The following SLC16A9 variants were observed in gnomAD, a reference collection of about 807,000 sequenced individuals.
The protein encoded by SLC16A9 is monocarboxylate transporter 9.
Under a neutral mutation model 44.3 loss-of-function variants are expected in SLC16A9, and 26 were observed. The ratio of observed to expected loss-of-function variants is 0.59; its 90% CI spans 0.43 to 0.81. The LOEUF is 0.81. Ranked by LOEUF, SLC16A9 falls within the 40% of genes least tolerant of loss-of-function variation. The pLI is 0.00. For synonymous variants in SLC16A9, 230 were observed against 225.1 expected (o/e 1.02, Z -0.19); for missense variants, 559 against 595.8 (o/e 0.94, Z 0.64).
chr10:59,681,735 GTA>G lies in SLC16A9; in HGVS notation c.196+2359_196+2360del, dbSNP rs1256713175. ...ATATGTATATGATGTATATGTATATGTATATGATGTATATGTATATGTATATG... is the reference window on the plus strand; with the variant it reads ...ATATGTATATGATGTATATGTATATGTATGATGTATATGTATATGTATATG... On this transcript the variant is annotated intron_variant, in intron 2 of 5. Transcript: ENST00000395348. 7.3e-3 allele frequency among the ~76,000 whole-genome samples: 33 copies of G among 4,508 alleles called. 14 individuals carry two copies. The highest frequency in any genetic ancestry group is 0.029 in the Admixed American group (4 of 136). The allele number at this position is 4,508 out of a possible 152,430, so 3.0% of individuals were successfully genotyped here.
intron 4 of SLC16A9, among the ~76,000 whole-genome samples, chr10:59,663,599 G>A (rs1424233800): frequency 6.6e-6 from 1 of 151,606 alleles, no homozygotes; most frequent in Non-Finnish European, 1.5e-5. Flanking sequence ...CACACACCAG[G>A]GCCTGTTGGG....
In SLC16A9 at chr10:59,651,752, G is replaced by C. The variant is rs147571220; in HGVS notation, c.*1020C>G. ...CATTCCCATATCCCATGCAGACTTA[G>C]AGCATGCATAGCACACACACACACA... On this transcript the variant is annotated 3_prime_UTR_variant, in exon 6 of 6. Coordinates refer to ENST00000395348, the MANE Select transcript of SLC16A9 (RefSeq NM_194298.3). 7.7e-6 allele frequency: 1 copy of C among 129,890 alleles called. No individual in the cohort carries two copies. The highest frequency in any genetic ancestry group is 1.6e-5 in the Non-Finnish European group (1 of 60,802). 8.0% of individuals were successfully genotyped at this position (129,890 alleles called of 1,614,324 possible). A position where few individuals can be genotyped will look rare whatever the true frequency, so the allele number is the denominator to read the frequency against.
intron 1 of SLC16A9, among the ~76,000 whole-genome samples, chr10:59,701,329 G>C (rs896307277): frequency 1.3e-5 from 2 of 152,138 alleles, no homozygotes; most frequent in Non-Finnish European, 2.9e-5. Flanking sequence ...CTGTCTCCCT[G>C]CTGCAGGGCA....
intron 3 of SLC16A9, among the ~76,000 whole-genome samples, chr10:59,667,767 T>C (rs1001267055): frequency 2.0e-5 from 3 of 152,156 alleles, no homozygotes; most frequent in African/African-American, 7.2e-5. Flanking sequence ...TGTACCAACC[T>C]CCAGTAAAAG....
At chr10:59,684,427 G>T in intron 1 of SLC16A9, 100 bp from the exon 2 acceptor site, 1 of 523,308 alleles carries the variant, frequency 1.9e-6, no homozygotes, top group Non-Finnish European at 3.2e-6. Flanking sequence ...AAAAAAAAAG[G>T]TTCTCCAAAG....
In SLC16A9 at chr10:59,653,952, C is replaced by T. The variant is rs1456973142; in HGVS notation, c.1074G>A (p.Leu358=). ...TGAAGTCAGCCAGTATCCCTAAAAG[C>T]AGTTTACCAACTGCTGTCATAATGC... ...IIGIMTAVGK[L]LLGILADFKW... Residue 358 remains leucine, a synonymous_variant, in exon 5 of 6, where the codon CTG becomes CTA. Transcript: ENST00000395348. 6.2e-7 allele frequency: 1 copy of T among 1,613,984 alleles called. No homozygotes were observed. Among genetic ancestry groups the T allele is most frequent in the Non-Finnish European group, 8.5e-7 (1 of 1,180,034 alleles).
intron 1 of SLC16A9, among the ~76,000 whole-genome samples, chr10:59,706,222 T>C (rs1840632191): frequency 1.3e-5 from 2 of 152,046 alleles, no homozygotes; most frequent in Non-Finnish European, 1.5e-5. Flanking sequence ...TCTATTTTTC[T>C]CACTAAACAT....
intron 1 of SLC16A9, among the ~76,000 whole-genome samples, chr10:59,688,100 C>G (rs1017362370): frequency 1.3e-5 from 2 of 152,200 alleles, no homozygotes; most frequent in Non-Finnish European, 2.9e-5. Flanking sequence ...TAACCTGTAC[C>G]TTCCATGTCT....
At chr10:59,671,106 T>A (rs1030861413) in intron 3 of SLC16A9, among the ~76,000 whole-genome samples, 2 of 152,204 alleles carry the variant, frequency 1.3e-5, no homozygotes, top group Admixed American at 6.5e-5. Context: ...TTTGTGGAGA[T>A]GAAGGAGCTT....
rs1839270561 is a variant in SLC16A9, at chr10:59,653,684, G to C, written c.1342C>G (p.Pro448Ala). ...AAGATAAATATCTTACCAACGATGG[G>C]TGGTCCTAGGCTATTTCCAAGTCCA... ...FAGLGNSLGP[P>A]IVGWFYDWTQ... Residue 448 changes from proline to alanine, a missense_variant, in exon 5 of 6, where the codon CCC (proline) becomes GCC (alanine). Coordinates refer to ENST00000395348, the MANE Select transcript of SLC16A9 (RefSeq NM_194298.3). 6.2e-7 allele frequency: 1 copy of C among 1,607,712 alleles called. No homozygotes were observed. The highest frequency in any genetic ancestry group is 1.1e-5 in the South Asian group (1 of 90,202).
At chr10:59,686,250 G>A (rs1840131290) in intron 1 of SLC16A9, among the ~76,000 whole-genome samples, 1 of 152,006 alleles carries the variant, frequency 6.6e-6, no homozygotes, top group South Asian at 2.1e-4. Flanking sequence ...AATCTCTAAT[G>A]GGGCTTTTTC....
intron 1 of SLC16A9, among the ~76,000 whole-genome samples, chr10:59,700,553 CA>C (rs1840499970): frequency 1.3e-5 from 2 of 152,206 alleles, no homozygotes; most frequent in South Asian, 4.1e-4. Context: ...ACCATCCAAG[CA>C]TATGCTAAAA....
intron 1 of SLC16A9, among the ~76,000 whole-genome samples, chr10:59,700,818 T>C (rs762177561): frequency 3.9e-5 from 6 of 152,196 alleles, no homozygotes; most frequent in Non-Finnish European, 7.3e-5. Context: ...CCTCACAGTT[T>C]GTCAGCACAG....
chr10:59,678,494 A>G (rs1839906899), intron 2 of SLC16A9, among the ~76,000 whole-genome samples: 1 of 145,090 alleles, frequency 6.9e-6, no homozygotes, highest in African/African-American at 2.5e-5. Flanking sequence ...AGAAAGCTTA[A>G]CCAAAACCTG....
Position 59,664,957 on chromosome 10 carries a change from T to C in SLC16A9, c.341-635A>G, listed in dbSNP as rs1027641429. ...ACTTTCACCAAAAAAAGGAAGCACA[T>C]ACAACAAAATACTGACAACTATTGG... On this transcript the variant is annotated intron_variant, in intron 3 of 5. Transcript: ENST00000395348. 6.6e-5 allele frequency among the ~76,000 whole-genome samples: 10 copies of C among 151,856 alleles called. 1 individual carries two copies. In the East Asian group the frequency reaches 1.7e-3, roughly 26 times the overall value.
chr10:59,706,081 C>A (rs954307418), intron 1 of SLC16A9, among the ~76,000 whole-genome samples: 4 of 152,200 alleles, frequency 2.6e-5, no homozygotes, highest in Non-Finnish European at 4.4e-5. Flanking sequence ...AATTGCTACA[C>A]CCACCCCACA....
rs1353382794 is a variant in SLC16A9 at position 59,653,997 on chromosome 10, C to T, written c.1029G>A (p.Met343Ile). 6.2e-7 allele frequency: 1 copy of T among 1,613,814 alleles called. No homozygotes were observed. The highest frequency in any genetic ancestry group is 1.1e-5 in the South Asian group (1 of 91,068). Residue 343 changes from methionine (M) to isoleucine (I), a missense_variant, in exon 5 of 6, where the codon ATG becomes ATA. Met to Ile is a conservative substitution (Grantham distance 10, BLOSUM62 1). Transcript: ENST00000395348. Reference sequence around the variant, plus strand: ...TAATGCCTATAATGGAAATAAGTGGCATAATAAACTCTTCTTCTTTCACGT... The same window carrying T: ...TAATGCCTATAATGGAAATAAGTGGTATAATAAACTCTTCTTCTTTCACGT... ...SSNVKEEEFI[M>I]PLISIIGIMT...
chr10:59,660,385 A>G (rs1198155211), intron 4 of SLC16A9, among the ~76,000 whole-genome samples: 2 of 152,216 alleles, frequency 1.3e-5, no homozygotes, highest in African/African-American at 2.4e-5. Context: ...CTACACAAGT[A>G]AACTGGAAAA....
At chr10:59,684,411 G>GT in intron 1 of SLC16A9, 84 bp from the exon 2 acceptor site, 9 of 546,940 alleles carry the variant, frequency 1.6e-5, no homozygotes, top group Admixed American at 4.0e-5. Context: ...TCCTCCTAAA[G>GT]TGAAAAAAAA....
Sources: allele counts gnomAD v4.1 joint callset (sites outside exome capture counted in the v4.1 genomes callset), GRCh38; gene constraint gnomAD v4.1.1; transcripts MANE v1.5; gene names NCBI Gene and HGNC (gene_info 2026-07-23, HGNC 2026-07-21).